SPAM1: variants seen among roughly 807,000 people sequenced by gnomAD.
The protein encoded by SPAM1 is hyaluronidase PH-20.
Under a neutral mutation model 29.6 loss-of-function variants are expected in SPAM1, and 22 were observed. The observed-to-expected ratio is 0.74, with a 90% confidence interval of 0.53 to 1.06. SPAM1 has a LOEUF of 1.06. SPAM1 is among the 50% of genes least tolerant of loss of function. The pLI is 0.00. For missense variants in SPAM1, 534 were observed against 604.0 expected (o/e 0.88, Z 1.21); for synonymous variants, 194 against 204.6 (o/e 0.95, Z 0.44).
intron 2 of SPAM1, among the ~76,000 whole-genome samples, chr7:123,950,862 T>A (rs1203484865): frequency 2.0e-5 from 3 of 152,180 alleles, no homozygotes; most frequent in African/African-American, 7.2e-5. Flanking sequence ...GAGGTTGTAC[T>A]AATTTACATT....
intron 1 of SPAM1, among the ~76,000 whole-genome samples, chr7:123,944,699 A>G (rs1412337872): frequency 6.6e-6 from 1 of 152,158 alleles, no homozygotes; most frequent in Non-Finnish European, 1.5e-5. Context: ...TAGACCTTCA[A>G]GATAAAACAT....
Position 123,954,057 on chromosome 7 carries a change from G to T in SPAM1, c.487G>T (p.Val163Phe). 2 of 1,613,518 alleles carry T rather than the reference G, an allele frequency of 1.2e-6. No homozygotes were observed. The highest frequency in any genetic ancestry group is 1.7e-6 in the Non-Finnish European group (2 of 1,179,748). The change falls in exon 3 of 5, where the codon GTT becomes TTT. Residue 163 changes from valine to phenylalanine, a missense_variant. Physicochemically the swap from Val to Phe is conservative, Grantham distance 50. Transcript: ENST00000682466. ...TWARNWKPKD[V>F]YKNRSIELVQ... is the part of the protein sequence containing the mutation. ...GGCAAGAAACTGGAAACCTAAAGAT[G>T]TTTACAAGAATAGGTCTATTGAATT...
At chr7:123,927,830 G>A (rs750074403) in intron 1 of SPAM1, among the ~76,000 whole-genome samples, 1 of 152,126 alleles carries the variant, frequency 6.6e-6, no homozygotes, top group Non-Finnish European at 1.5e-5. Flanking sequence ...TATCTATGAG[G>A]TATGCATCTA....
At chr7:123,959,335 TTG>T (rs1792313839) in intron 4 of SPAM1, 147 bp from the exon 5 acceptor site, 2 of 593,086 alleles carry the variant, frequency 3.4e-6, no homozygotes, top group Admixed American at 6.5e-5. Context: ...AATAATCTTG[TTG>T]GTTAAGGTAA....
At chr7:123,956,925 C>T (rs1792259860) in intron 4 of SPAM1, among the ~76,000 whole-genome samples, 1 of 151,852 alleles carries the variant, frequency 6.6e-6, no homozygotes, top group African/African-American at 2.4e-5. Flanking sequence ...AGAACCAGGT[C>T]TTACCTATTA....
In SPAM1 at chr7:123,954,235, C is replaced by A. The variant is rs749343447; in HGVS notation, c.665C>A (p.Pro222Gln). 1 of 1,613,290 alleles carries A rather than the reference C, an allele frequency of 6.2e-7. No homozygotes were observed. The highest frequency in any genetic ancestry group is 1.7e-5 in the Admixed American group (1 of 59,842). ...CACTTGTGGGGTTATTATCTTTTTCCGGATTGTTACAACCATCACTATAAG... is the reference window on the plus strand; with the variant it reads ...CACTTGTGGGGTTATTATCTTTTTCAGGATTGTTACAACCATCACTATAAG... Reference protein sequence around the residue: ...PNHLWGYYLFPDCYNHHYKKP... With the variant: ...PNHLWGYYLFQDCYNHHYKKP... The change falls in exon 3 of 5, where the codon CCG (proline) becomes CAG (glutamine). Residue 222 changes from proline (P) to glutamine (Q), a missense_variant. By Grantham distance (76) the Pro-to-Gln change is moderately conservative. Coordinates refer to ENST00000682466, the MANE Select transcript of SPAM1 (RefSeq NM_153189.3).
chr7:123,947,391 A>G (rs1410352437), intron 1 of SPAM1, among the ~76,000 whole-genome samples: 2 of 152,032 alleles, frequency 1.3e-5, no homozygotes, highest in Admixed American at 6.6e-5. Flanking sequence ...TCTATAAAAA[A>G]TTTTAAAAAT....
Position 123,953,740 on chromosome 7 carries a change from G to T in SPAM1, c.170G>T (p.Ser57Ile), listed in dbSNP as rs755668480. 6.2e-7 allele frequency: 1 copy of T among 1,613,064 alleles called. No homozygotes were observed. Among genetic ancestry groups the T allele is most frequent in the Admixed American group, 1.7e-5 (1 of 59,794 alleles). Reference protein sequence around the residue: ...VPFLWAWNAPSEFCLGKFDEP... With the variant: ...VPFLWAWNAPIEFCLGKFDEP... ...TTCCTCTGGGCCTGGAATGCCCCAA[G>T]TGAATTTTGTCTTGGAAAATTTGAT... Residue 57 changes from serine to isoleucine, a missense_variant, in exon 3 of 5, where the codon AGT (serine) becomes ATT (isoleucine). Transcript: ENST00000682466.
intron 1 of SPAM1, among the ~76,000 whole-genome samples, chr7:123,937,494 G>C (rs965318747): frequency 5.3e-5 from 8 of 151,634 alleles, no homozygotes; most frequent in South Asian, 2.1e-4. Context: ...CCAGCTACTC[G>C]GGAGGCTGAG....
chr7:123,967,099 C>G (rs1003546723), intron 5 of SPAM1, among the ~76,000 whole-genome samples: 1 of 151,958 alleles, frequency 6.6e-6, no homozygotes, highest in South Asian at 2.1e-4. Context: ...TCCTGGGCCT[C>G]GTTTATAACA....
downstream of SPAM1, among the ~76,000 whole-genome samples, chr7:123,962,689 T>C (rs780836551): frequency 6.6e-6 from 1 of 151,922 alleles, no homozygotes; most frequent in East Asian, 1.9e-4. Flanking sequence ...TTGTAAAATT[T>C]TTTTTTATTC....
chr7:123,964,209 T>A (rs925723124), downstream of SPAM1, among the ~76,000 whole-genome samples: 2 of 151,856 alleles, frequency 1.3e-5, no homozygotes, highest in Non-Finnish European at 2.9e-5. Flanking sequence ...CTTTATATTA[T>A]CACTGATGCA....
chr7:123,945,342 C>T (rs1486393531), intron 1 of SPAM1, among the ~76,000 whole-genome samples: 1 of 151,856 alleles, frequency 6.6e-6, no homozygotes, highest in Non-Finnish European at 1.5e-5. Context: ...CAGAATGCAC[C>T]TCTGAATTAG....
intron 2 of SPAM1, among the ~76,000 whole-genome samples, chr7:123,951,602 T>G (rs906892786): frequency 2.0e-5 from 3 of 152,092 alleles, no homozygotes; most frequent in Admixed American, 2.0e-4. Context: ...AGGCTCATTC[T>G]GCCCCATGTT....
At chr7:123,934,167 G>A (rs1808179326) in intron 1 of SPAM1, among the ~76,000 whole-genome samples, 1 of 152,112 alleles carries the variant, frequency 6.6e-6, no homozygotes, top group Non-Finnish European at 1.5e-5. Context: ...TTCCCACAAT[G>A]ATGAAATAAC....
chr7:123,958,404 T>G (rs894216192), intron 4 of SPAM1, among the ~76,000 whole-genome samples: 3 of 152,096 alleles, frequency 2.0e-5, no homozygotes, highest in African/African-American at 7.2e-5. Flanking sequence ...CTGCCAAATT[T>G]GTAAAAGAGT....
intron 5 of SPAM1, among the ~76,000 whole-genome samples, chr7:123,967,100 G>A (rs539383448): frequency 6.6e-6 from 1 of 151,870 alleles, no homozygotes; most frequent in African/African-American, 2.4e-5. Context: ...CCTGGGCCTC[G>A]TTTATAACAT....
chr7:123,937,503 A>G (rs990464351), intron 1 of SPAM1, among the ~76,000 whole-genome samples: 1 of 147,138 alleles, frequency 6.8e-6, no homozygotes, highest in African/African-American at 2.5e-5. Context: ...CGGGAGGCTG[A>G]GGCAGGAGAA....
At chr7:123,942,123 G>T (rs993042149) in intron 1 of SPAM1, among the ~76,000 whole-genome samples, 3 of 152,120 alleles carry the variant, frequency 2.0e-5, no homozygotes, top group Non-Finnish European at 4.4e-5. Context: ...AAGTTGTCTA[G>T]CTTCAGTTTG....
Sources: gnomAD v4.1 joint callset for allele counts (sites outside exome capture counted in the v4.1 genomes callset) on GRCh38, gnomAD v4.1.1 for gene constraint, MANE v1.5 for transcripts, NCBI Gene and HGNC (gene_info 2026-07-23, HGNC 2026-07-21) for gene names.